The following NAALADL2 variants were observed in gnomAD, a reference collection of about 807,000 sequenced individuals.
The protein encoded by NAALADL2 is inactive N-acetylated-alpha-linked acidic dipeptidase-like protein 2.
NAALADL2 carries 76 observed loss-of-function variants against 87.2 expected under a neutral mutation model. That is an observed-to-expected ratio of 0.87 (90% CI 0.72 to 1.05). The LOEUF is 1.05. Ranked by LOEUF, NAALADL2 falls within the 50% of genes least tolerant of loss-of-function variation. The pLI is 0.00. For synonymous variants in NAALADL2, 354 were observed against 331.0 expected (o/e 1.07, Z -0.75); for missense variants, 1,089 against 945.8 (o/e 1.15, Z -1.99).
At chr3:174,858,067 G>A (rs2109517222), upstream of NAALADL2, among the ~76,000 whole-genome samples, 1 of 149,908 alleles carries the variant, frequency 6.7e-6, no homozygotes, top group South Asian at 2.1e-4. Context: ...ACATATATAT[G>A]TGTGTAACTA....
chr3:175,701,911 G>A (rs577489896), intron 11 of NAALADL2, among the ~76,000 whole-genome samples: 1 of 151,976 alleles, frequency 6.6e-6, no homozygotes, highest in Non-Finnish European at 1.5e-5. Flanking sequence ...TGTATTATGT[G>A]CCTCTGTTTT....
chr3:175,467,289 C>A (rs16825751), intron 8 of NAALADL2, 105 bp downstream of exon 8: 99,168 of 850,456 alleles, frequency 0.12, 10,689 homozygotes, highest in African/African-American at 0.48. Context: ...CTTCTCAACA[C>A]AAGTGTCATA....
chr3:175,476,236 G>A (rs545477666), intron 9 of NAALADL2, among the ~76,000 whole-genome samples: 5 of 152,016 alleles, frequency 3.3e-5, no homozygotes, highest in Non-Finnish European at 7.4e-5. Flanking sequence ...TGAATATCCC[G>A]TTTGTTGCAA....
chr3:174,609,284 A>G (rs1483480958), intron 2 of NAALADL2, among the ~76,000 whole-genome samples: 2 of 152,138 alleles, frequency 1.3e-5, no homozygotes, highest in African/African-American at 4.8e-5. Flanking sequence ...CACCACTCCT[A>G]TTCAACATAG....
chr3:174,799,730 TG>T (rs1213229773), intron 3 of NAALADL2, among the ~76,000 whole-genome samples: 4 of 152,060 alleles, frequency 2.6e-5, no homozygotes, highest in Non-Finnish European at 5.9e-5. Context: ...AGGCAGAGGT[TG>T]GAATAGTTTG....
At chr3:175,443,990 T>C (rs889468686) in intron 5 of NAALADL2, among the ~76,000 whole-genome samples, 1 of 152,008 alleles carries the variant, frequency 6.6e-6, no homozygotes, top group African/African-American at 2.4e-5. Context: ...ACAAGTGAAG[T>C]AAGAGGAATG....
chr3:175,429,599 C>G (rs1030745221), intron 5 of NAALADL2, among the ~76,000 whole-genome samples: 2 of 151,936 alleles, frequency 1.3e-5, no homozygotes, highest in African/African-American at 4.8e-5. Flanking sequence ...TATTTTCTGA[C>G]CCCAAATCCA....
chr3:174,921,815 AAAAAAAGAAAAAG>A (rs1441523210), intron 1 of NAALADL2, among the ~76,000 whole-genome samples: 1 of 125,736 alleles, frequency 8.0e-6, no homozygotes, highest in Non-Finnish European at 1.6e-5. Context: ...AAAAAAAAAA[AAAAAAAGAAAAAG>A]AAAAAGAAAA....
chr3:174,570,563 G>A (rs1210636066), intron 2 of NAALADL2, among the ~76,000 whole-genome samples: 1 of 152,048 alleles, frequency 6.6e-6, no homozygotes, highest in Admixed American at 6.6e-5. Context: ...GCGCGCTAGG[G>A]GATTCAACAG....
intron 3 of NAALADL2, among the ~76,000 whole-genome samples, chr3:174,741,633 A>G (rs1272080598): frequency 2.6e-5 from 4 of 151,670 alleles, no homozygotes; most frequent in Non-Finnish European, 5.9e-5. Context: ...ATAAAAAGCC[A>G]TGAAGAGCTG....
chr3:175,562,805 C>G (rs530776722), intron 9 of NAALADL2, among the ~76,000 whole-genome samples: 2 of 151,844 alleles, frequency 1.3e-5, no homozygotes, highest in African/African-American at 4.8e-5. Context: ...AAAGTCTTCT[C>G]TATTCTTATA....
At chr3:175,712,059 T>C (rs543712584) in intron 11 of NAALADL2, among the ~76,000 whole-genome samples, 1 of 152,092 alleles carries the variant, frequency 6.6e-6, no homozygotes, top group African/African-American at 2.4e-5. Flanking sequence ...TGATAAGTTA[T>C]ATAAGATATT....
chr3:174,449,869 T>C (rs900095435), intron 1 of NAALADL2, among the ~76,000 whole-genome samples: 2 of 152,202 alleles, frequency 1.3e-5, no homozygotes, highest in Non-Finnish European at 2.9e-5. Context: ...TCAGTTTTTT[T>C]CTGTTACCTA....
rs76947902 is a variant in NAALADL2, at chr3:175,071,189, A to G, written c.44-25601A>G. The stretch of plus-strand genomic sequence containing the variant: ...AAGTGTCTCCTAAAGTTCTCAGTCA[A>G]TAAATAACACATGCCAATTAATGCC... On this transcript the variant is annotated intron_variant, in intron 1 of 13. Coordinates refer to ENST00000454872, the MANE Select transcript of NAALADL2 (RefSeq NM_207015.3). Among the ~76,000 whole-genome samples, 1,031 of 152,238 alleles carry G rather than the reference A, an allele frequency of 6.8e-3. 19 individuals are homozygous for G. The highest frequency in any genetic ancestry group is 7.8e-3 in the Non-Finnish European group (531 of 67,990).
chr3:174,594,089 A>AT (rs1382168941), intron 2 of NAALADL2, among the ~76,000 whole-genome samples: 2 of 141,146 alleles, frequency 1.4e-5, no homozygotes, highest in East Asian at 2.3e-4. Context: ...ATATTGAGGA[A>AT]TTTTTTTTCT....
chr3:175,373,284 C>G (rs958745122), intron 5 of NAALADL2, among the ~76,000 whole-genome samples: 1 of 152,138 alleles, frequency 6.6e-6, no homozygotes, highest in Admixed American at 6.5e-5. Flanking sequence ...ACGTTTTTAA[C>G]ACCAAAAATT....
In NAALADL2 at chr3:175,694,237, A is replaced by G. The variant is rs566194838; in HGVS notation, c.1897-43069A>G. ...GCTTACTAAAATAGGTGAAATTACC[A>G]AAAACTTACACAGCAGACATAACAA... On this transcript the variant is annotated intron_variant, in intron 11 of 13. Coordinates refer to ENST00000454872, the MANE Select transcript of NAALADL2 (RefSeq NM_207015.3). 2.6e-5 allele frequency among the ~76,000 whole-genome samples: 4 copies of G among 152,300 alleles called. No individual in the cohort carries two copies. In the East Asian group the frequency reaches 7.7e-4, roughly 29 times the overall value.
intron 3 of NAALADL2, among the ~76,000 whole-genome samples, chr3:175,250,593 T>C (rs1233794471): frequency 6.6e-6 from 1 of 152,174 alleles, no homozygotes; most frequent in African/African-American, 2.4e-5. Context: ...AGTGTCTTTC[T>C]CTAGTGGCCA....
chr3:174,847,071 CT>C lies in NAALADL2; in HGVS notation c.-9+109326del, dbSNP rs1223096673. On this transcript the variant is annotated intron_variant, in intron 3 of 3. Transcript: ENST00000434257. The stretch of plus-strand genomic sequence containing the variant: ...GGAAACAAAGATAAATTCTAAGTTT[CT>C]GTCTCTAGCAGCTGGGTTAATGGTA... Among the ~76,000 whole-genome samples, 2 of 152,232 alleles carry C rather than the reference CT, an allele frequency of 1.3e-5. 1 individual carries two copies. Among genetic ancestry groups the C allele is most frequent in the East Asian group, 3.9e-4 (2 of 5,170 alleles).
Sources: gnomAD v4.1 joint callset for allele counts (sites outside exome capture counted in the v4.1 genomes callset) on GRCh38, gnomAD v4.1.1 for gene constraint, MANE v1.5 for transcripts, NCBI Gene and HGNC (gene_info 2026-07-23, HGNC 2026-07-21) for gene names.